PTPRN2: variants seen among roughly 807,000 people sequenced by gnomAD.
The protein encoded by PTPRN2 is protein tyrosine phosphatase receptor type N2.
In PTPRN2, 74 loss-of-function variants were observed where a neutral mutation model predicts 118.8. That is an observed-to-expected ratio of 0.62 (90% confidence interval 0.52 to 0.76). PTPRN2 has a LOEUF of 0.76. Ranked by LOEUF, PTPRN2 falls within the 30% of genes least tolerant of loss-of-function variation. The probability of loss-of-function intolerance (pLI) is 0.00; values close to 1 mark genes in which losing one functional copy is unlikely to be tolerated. For synonymous variants in PTPRN2, 641 were observed against 608.0 expected, an observed-to-expected ratio of 1.05 and a Z score of -0.80; for missense variants, 1,481 against 1,394.4, an observed-to-expected ratio of 1.06 and a Z score of -0.99.
In PTPRN2 at chr7:158,138,525, C is replaced by A; in HGVS notation, c.911-10G>T. On this transcript the variant is annotated splice_polypyrimidine_tract_variant and intron_variant, in intron 6 of 22. Coordinates refer to ENST00000389418, the MANE Select transcript of PTPRN2 (RefSeq NM_002847.5). ...GTATGAATCCGTGCTCCTAGGGGCA[C>A]ACACACAAACACAAGGACGTTGTGG... is the stretch of plus-strand genomic sequence containing the variant. The A allele has an allele frequency of 6.2e-7, 1 of 1,605,944 alleles. No homozygotes were observed. Among genetic ancestry groups the A allele is most frequent in the Non-Finnish European group, 8.5e-7 (1 of 1,177,236 alleles).
chr7:157,753,731 C>T (rs763930973), intron 12 of PTPRN2, among the ~76,000 whole-genome samples: 2 of 149,592 alleles, frequency 1.3e-5, no homozygotes, highest in Non-Finnish European at 3.0e-5. Flanking sequence ...TGTGCCAGGC[C>T]CCACACCTGC....
intron 14 of PTPRN2, among the ~76,000 whole-genome samples, chr7:157,645,316 G>C (rs1466956616): frequency 6.6e-6 from 1 of 152,210 alleles, no homozygotes; most frequent in Non-Finnish European, 1.5e-5. Flanking sequence ...CCACTTGGAT[G>C]CAGCCCTTCC....
chr7:157,626,159 G>A (rs969910693), intron 14 of PTPRN2, among the ~76,000 whole-genome samples: 1 of 152,134 alleles, frequency 6.6e-6, no homozygotes, highest in African/African-American at 2.4e-5. Context: ...ATGCCCTGTG[G>A]GTTTTCTCCT....
chr7:158,131,377 CACACTCAT>C (rs757813027), intron 9 of PTPRN2, among the ~76,000 whole-genome samples: 2,093 of 88,320 alleles, frequency 0.024, 50 homozygotes, highest in Non-Finnish European at 0.03. Flanking sequence ...ACCCGACACA[CACACTCAT>C]ACACACACGT....
At chr7:158,294,546 A>G (rs539033245) in intron 3 of PTPRN2, among the ~76,000 whole-genome samples, 200 of 152,258 alleles carry the variant, frequency 1.3e-3, no homozygotes, top group Non-Finnish European at 2.4e-3. Flanking sequence ...CCCGGCCCTC[A>G]GCTCCTCAAC....
intron 10 of PTPRN2, 111 bp downstream of exon 10, chr7:158,110,718 G>A (rs906227317): frequency 5.0e-6 from 5 of 998,132 alleles, no homozygotes; most frequent in Middle Eastern, 2.1e-4. Flanking sequence ...CTCTAAACAG[G>A]TTCCCTCATG....
At chr7:158,059,395 C>A (rs1486033977) in intron 11 of PTPRN2, among the ~76,000 whole-genome samples, 6 of 121,040 alleles carry the variant, frequency 5.0e-5, no homozygotes, top group African/African-American at 2.4e-4. Context: ...CATCTGCCCA[C>A]GGTGACACAT....
At chr7:157,958,794 A>C (rs1801343109) in intron 11 of PTPRN2, among the ~76,000 whole-genome samples, 1 of 152,234 alleles carries the variant, frequency 6.6e-6, no homozygotes, top group Non-Finnish European at 1.5e-5. Flanking sequence ...TTCACGTATT[A>C]TAAGGCTCAT....
At chr7:158,049,888 G>A (rs1425458644) in intron 11 of PTPRN2, among the ~76,000 whole-genome samples, 1 of 136,058 alleles carries the variant, frequency 7.3e-6, no homozygotes, top group Non-Finnish European at 1.6e-5. Flanking sequence ...GGGCAACACA[G>A]CAAGATTCCA....
At chr7:158,057,379 A>C (rs1325130309) in intron 11 of PTPRN2, among the ~76,000 whole-genome samples, 4 of 152,198 alleles carry the variant, frequency 2.6e-5, no homozygotes, top group Non-Finnish European at 5.9e-5. Context: ...ATGAACTTCC[A>C]CGTTACAGGC....
chr7:157,969,505 TG>T (rs1236516572), intron 11 of PTPRN2, among the ~76,000 whole-genome samples: 3 of 151,824 alleles, frequency 2.0e-5, no homozygotes. Flanking sequence ...AGGGCATGAG[TG>T]GGGAGCTGGG....
intron 13 of PTPRN2, among the ~76,000 whole-genome samples, chr7:157,661,353 G>A (rs28464651): frequency 3.3e-5 from 5 of 152,216 alleles, no homozygotes; most frequent in Non-Finnish European, 5.9e-5. Context: ...GCAGCTCTTC[G>A]CCTGTGCAGA....
intron 14 of PTPRN2, among the ~76,000 whole-genome samples, chr7:157,656,035 A>G (rs1467805598): frequency 3.4e-5 from 3 of 88,694 alleles, no homozygotes; most frequent in Non-Finnish European, 2.6e-5. Context: ...ACGGCAGCGC[A>G]CATGGTAGGC....
intron 21 of PTPRN2, among the ~76,000 whole-genome samples, chr7:157,551,570 C>A (rs1202280103): frequency 1.4e-5 from 2 of 147,722 alleles, no homozygotes; most frequent in East Asian, 4.0e-4. Flanking sequence ...ACGCACCCCA[C>A]AGCCATCACA....
At chr7:158,446,453 C>A (rs560309002) in intron 2 of PTPRN2, among the ~76,000 whole-genome samples, 1 of 152,136 alleles carries the variant, frequency 6.6e-6, no homozygotes, top group East Asian at 1.9e-4. Context: ...CAGCTGCCCC[C>A]GGCAGGCAGG....
At chr7:157,570,813 G>A (rs533293270) in intron 20 of PTPRN2, among the ~76,000 whole-genome samples, 171 of 152,214 alleles carry the variant, frequency 1.1e-3, no homozygotes, top group African/African-American at 4.0e-3. Flanking sequence ...CCTGGTGGTT[G>A]AGACAATGCA....
Position 157,838,265 on chromosome 7 carries a change from C to G in PTPRN2, c.1788+60408G>C, listed in dbSNP as rs370406457. Among the ~76,000 whole-genome samples, 103 of 149,264 alleles carry G rather than the reference C, an allele frequency of 6.9e-4. 2 individuals are homozygous for G. The South Asian group carries it at 0.021, about 31-fold the overall frequency. On this transcript the variant is annotated intron_variant, in intron 12 of 22. Transcript: ENST00000389418. ...GTGGATGGCACGGGAGAAAGCTCCT[C>G]TCCGCCGTACCTATTCCAGTTCCTC...
At position 158,097,559 on chromosome 7, in the gene PTPRN2, C is replaced by G. The variant is rs548352495; in HGVS notation, c.1643+13270G>C. 3.3e-5 allele frequency among the ~76,000 whole-genome samples: 5 copies of G among 152,166 alleles called. No homozygotes were observed. The East Asian group carries it at 7.7e-4, about 24-fold the overall frequency. Reference sequence around the variant, plus strand: ...CATCTGGAAGAGAACTGTCACAGAGCCCGTCTCACTGTGGACTCAGGGGCT... The same window carrying G: ...CATCTGGAAGAGAACTGTCACAGAGGCCGTCTCACTGTGGACTCAGGGGCT... On this transcript the variant is annotated intron_variant, in intron 10 of 22. Coordinates refer to ENST00000389418, the MANE Select transcript of PTPRN2 (RefSeq NM_002847.5).
At chr7:157,715,358 TC>T (rs1311617529) in intron 12 of PTPRN2, among the ~76,000 whole-genome samples, 1 of 151,450 alleles carries the variant, frequency 6.6e-6, no homozygotes, top group Non-Finnish European at 1.5e-5. Context: ...GGGGTGCCAG[TC>T]CCCCCGCTAC....
Sources: allele counts gnomAD v4.1 joint callset (sites outside exome capture counted in the v4.1 genomes callset), GRCh38; gene constraint gnomAD v4.1.1; transcripts MANE v1.5; gene names NCBI Gene and HGNC (gene_info 2026-07-23, HGNC 2026-07-21).